Variants in RIC1 observed in about 807,000 individuals in gnomAD.
The protein encoded by RIC1 is guanine nucleotide exchange factor subunit RIC1.
In RIC1, 88 loss-of-function variants were observed where a neutral mutation model predicts 169.0. The observed-to-expected ratio is 0.52, with a 90% CI of 0.44 to 0.62. The LOEUF is 0.62. Ranked by LOEUF, RIC1 falls within the 20% of genes least tolerant of loss-of-function variation. The pLI is 0.00. For synonymous variants in RIC1, 790 were observed against 601.5 expected (o/e 1.31, Z -4.59); for missense variants, 1,877 against 1,725.5 (o/e 1.09, Z -1.56).
chr9:5,653,103 G>C (rs1163979527), intron 1 of RIC1, among the ~76,000 whole-genome samples: 1 of 152,168 alleles, frequency 6.6e-6, no homozygotes, highest in African/African-American at 2.4e-5. Flanking sequence ...TTTTGTTGAG[G>C]ACTTTTGCAT....
chr9:5,738,560 T>A (rs1563939613), intron 8 of RIC1, 22 bp downstream of exon 8: 9 of 1,473,992 alleles, frequency 6.1e-6, no homozygotes, highest in Non-Finnish European at 8.2e-6. Flanking sequence ...TTTTTTTTTT[T>A]TTTTTTAACA....
In RIC1 at chr9:5,629,411, C is replaced by G; in HGVS notation, c.102C>G (p.Phe34Leu). Residue 34 changes from phenylalanine (F) to leucine (L), a missense_variant, in exon 1 of 26, where the codon TTC (phenylalanine) becomes TTG (leucine). Physicochemically the swap from Phe to Leu is conservative, Grantham distance 22 (BLOSUM62 0). Transcript: ENST00000414202. ...HVQSDPQRAFFAVLAAARLSI... is the reference protein window; with the variant it reads ...HVQSDPQRAFLAVLAAARLSI... The stretch of plus-strand genomic sequence containing the variant: ...AGTCCGACCCGCAGAGGGCTTTCTT[C>G]GCCGTGCTGGCCGCGGCCCGCCTCA... 1 of 1,534,060 alleles carries G rather than the reference C, an allele frequency of 6.5e-7. No homozygotes were observed. The highest frequency in any genetic ancestry group is 8.7e-7 in the Non-Finnish European group (1 of 1,146,156).
chr9:5,679,384 T>G (rs939043914), intron 2 of RIC1, among the ~76,000 whole-genome samples: 7 of 152,196 alleles, frequency 4.6e-5, no homozygotes, highest in African/African-American at 1.7e-4. Context: ...AAGAAAGTCA[T>G]TGGTAGCTTG....
Position 5,648,777 on chromosome 9 carries a change from T to G in RIC1, c.145-7806T>G, listed in dbSNP as rs572124703. Among the ~76,000 whole-genome samples the G allele has an allele frequency of 2.6e-5, 4 of 152,336 alleles. No individual in the cohort carries two copies. The South Asian group carries it at 8.3e-4, about 32-fold the overall frequency. On this transcript the variant is annotated intron_variant, in intron 1 of 25. Transcript: ENST00000414202. ...TGATGATTAGTGATGTTGAGCCTCT[T>G]TTGATGTACCTGTTGGCCATCCATA... is the stretch of plus-strand genomic sequence containing the variant.
intron 1 of RIC1, 48 bp downstream of exon 1, chr9:5,629,501 C>T: frequency 2.7e-6 from 4 of 1,495,740 alleles, no homozygotes; most frequent in East Asian, 2.7e-5. Flanking sequence ...CCCGGCCTCC[C>T]GGCGCCGTCC....
chr9:5,685,295 C>A (rs1161847583), intron 2 of RIC1, among the ~76,000 whole-genome samples: 1 of 150,516 alleles, frequency 6.6e-6, no homozygotes, highest in African/African-American at 2.5e-5. Context: ...TCATATGGAA[C>A]CAAAAAAGAG....
intron 3 of RIC1, among the ~76,000 whole-genome samples, chr9:5,692,886 C>T (rs1416322899): frequency 6.6e-6 from 1 of 151,940 alleles, no homozygotes; most frequent in Non-Finnish European, 1.5e-5. Flanking sequence ...CTTTAGCAAC[C>T]CTATGAGGTA....
intron 6 of RIC1, among the ~76,000 whole-genome samples, chr9:5,725,214 AATT>A (rs1262495020): frequency 6.6e-6 from 1 of 152,212 alleles, no homozygotes; most frequent in African/African-American, 2.4e-5. Flanking sequence ...GTAGGCTATT[AATT>A]ATTGCCTCAA....
Position 5,727,998 on chromosome 9 carries a change from C to T in RIC1, c.721-4390C>T, listed in dbSNP as rs901054605. 2.6e-5 allele frequency among the ~76,000 whole-genome samples: 4 copies of T among 152,216 alleles called. No individual in the cohort carries two copies. In the South Asian group the frequency reaches 8.3e-4, roughly 32 times the overall value. Reference sequence around the variant, plus strand: ...TTAGGCTACTTATGGGTCAGGGACCCACTTGAGGAGGCAGTCTGTCTGTTC... The same window carrying T: ...TTAGGCTACTTATGGGTCAGGGACCTACTTGAGGAGGCAGTCTGTCTGTTC... On this transcript the variant is annotated intron_variant, in intron 6 of 25. Coordinates refer to ENST00000414202, the MANE Select transcript of RIC1 (RefSeq NM_020829.4).
chr9:5,653,105 CT>C (rs1277111159), intron 1 of RIC1, among the ~76,000 whole-genome samples: 7 of 152,154 alleles, frequency 4.6e-5, no homozygotes, highest in Admixed American at 4.6e-4. Flanking sequence ...TTGTTGAGGA[CT>C]TTTGCATCTG....
intron 3 of RIC1, among the ~76,000 whole-genome samples, chr9:5,695,680 C>G (rs1346001719): frequency 1.3e-5 from 2 of 150,144 alleles, no homozygotes; most frequent in Non-Finnish European, 2.9e-5. Context: ...TCAAGCGATT[C>G]TCATGTCTCA....
At chr9:5,760,641 C>G (rs1481672075) in intron 17 of RIC1, among the ~76,000 whole-genome samples, 2 of 152,146 alleles carry the variant, frequency 1.3e-5, no homozygotes, top group Admixed American at 6.5e-5. Flanking sequence ...ATCCAGGTGT[C>G]TGACTCTTCT....
chr9:5,728,609 C>G (rs111715233), intron 6 of RIC1, among the ~76,000 whole-genome samples: 3,349 of 152,306 alleles, frequency 0.022, 132 homozygotes, highest in African/African-American at 0.076. Flanking sequence ...ATCACCCATC[C>G]TCTGCATCAC....
chr9:5,689,362 G>T (rs1460815255), intron 2 of RIC1, among the ~76,000 whole-genome samples: 1 of 152,016 alleles, frequency 6.6e-6, no homozygotes, highest in Admixed American at 6.6e-5. Flanking sequence ...ACAATTTGTT[G>T]TTAAAAAATA....
chr9:5,653,096 T>G (rs1484173069), intron 1 of RIC1, among the ~76,000 whole-genome samples: 1 of 152,254 alleles, frequency 6.6e-6, no homozygotes, highest in Non-Finnish European at 1.5e-5. Context: ...GCTACCATTT[T>G]GTTGAGGACT....
chr9:5,763,923 A>C lies in RIC1; in HGVS notation c.2841+55A>C, dbSNP rs966362377. 9.9e-6 allele frequency: 15 copies of C among 1,513,064 alleles called. No homozygotes were observed. Among genetic ancestry groups the C allele is most frequent in the Non-Finnish European group, 1.3e-5 (15 of 1,125,868 alleles). 93.7% of individuals were successfully genotyped at this position (1,513,064 alleles called of 1,614,324 possible). A position where few individuals can be genotyped will look rare whatever the true frequency, so the allele number is the denominator to read the frequency against. ...GAATTAATGAGCTTAAACTTAGAAA[A>C]ATAGAAATGTCCTGTTTTGACACCA... is the stretch of plus-strand genomic sequence containing the variant. On this transcript the variant is annotated intron_variant, in intron 19 of 25. Transcript: ENST00000414202. The surrounding 1 kb of genome is among the most constrained non-coding windows in gnomAD (Gnocchi z 5.2).
intron 1 of RIC1, among the ~76,000 whole-genome samples, chr9:5,655,037 T>G (rs1819005789): frequency 6.6e-6 from 1 of 152,108 alleles, no homozygotes; most frequent in South Asian, 2.1e-4. Context: ...GTAAAGACAG[T>G]TTTATTTATT....
At chr9:5,697,730 C>T (rs1382585654) in intron 3 of RIC1, among the ~76,000 whole-genome samples, 1 of 152,166 alleles carries the variant, frequency 6.6e-6, no homozygotes, top group African/African-American at 2.4e-5. Context: ...CATAGGACTG[C>T]CAGAACTTTC....
chr9:5,755,423 A>G lies in RIC1; in HGVS notation c.1692+493A>G, dbSNP rs117295605. Among the ~76,000 whole-genome samples, 679 of 152,366 alleles carry G rather than the reference A, an allele frequency of 4.5e-3. 1 individual carries two copies. The highest frequency in any genetic ancestry group is 7.0e-3 in the Non-Finnish European group (479 of 68,036). On this transcript the variant is annotated intron_variant, in intron 15 of 25. Transcript: ENST00000414202. The stretch of plus-strand genomic sequence containing the variant: ...TAAGAGATTAATAATGACTAATAAT[A>G]AAACAATTATGACAGTATATTGTAA...
Sources: gnomAD v4.1 joint callset for allele counts (sites outside exome capture counted in the v4.1 genomes callset) on GRCh38, gnomAD v4.1.1 for gene constraint, Gnocchi (gnomAD v3.1) non-coding constraint, MANE v1.5 for transcripts, NCBI Gene and HGNC (gene_info 2026-07-23, HGNC 2026-07-21) for gene names.